The following MAP1A variants were observed in gnomAD, a reference collection of about 807,000 sequenced individuals.
MAP1A encodes the protein microtubule-associated protein 1A.
A neutral mutation model predicts 185.9 loss-of-function variants in MAP1A; 42 were observed. That is an observed-to-expected ratio of 0.23 (90% CI 0.18 to 0.29). The LOEUF is 0.29. Among genes scored for constraint, MAP1A ranks in the 10% least tolerant of loss-of-function variants. The pLI is 1.00. For missense variants in MAP1A, 2,995 were observed against 3,450.4 expected (o/e 0.87, Z 3.31); for synonymous variants, 1,229 against 1,335.9 (o/e 0.92, Z 1.74).
chr15:43,518,704 G>GCCCCCCCCCCCCCCCCCC (rs1415845642), intron 1 of MAP1A, among the ~76,000 whole-genome samples: 3 of 104,402 alleles, frequency 2.9e-5, no homozygotes, highest in Admixed American at 9.1e-5. Context: ...CTGCACCGCA[G>GCCCCCCCCCCCCCCCCCC]CCCACCCCCC....
chr15:43,522,043 C>T lies in MAP1A; in HGVS notation c.570C>T (p.Phe190=). The T allele has an allele frequency of 6.2e-7, 1 of 1,614,196 alleles. No individual in the cohort carries two copies. The highest frequency in any genetic ancestry group is 1.1e-5 in the South Asian group (1 of 91,086). The change falls in exon 4 of 6, where the codon TTC becomes TTT. Residue 190 remains phenylalanine, a synonymous_variant. Transcript: ENST00000300231. This position sits in a 1 kb window ranked among gnomAD's most constrained non-coding sequence, Gnocchi z 5.9. ...VSNTIEPLTL[F]HKMGVGRLDM... ...ATACCATTGAGCCACTGACCCTCTT[C>T]CACAAAATGGGTGTGGGCCGGCTGG... is the stretch of plus-strand genomic sequence containing the variant.
rs2079346523 is a variant in MAP1A, at chr15:43,526,907, T to C, written c.5434T>C (p.Ser1812Pro). 1 of 1,614,060 alleles carries C rather than the reference T, an allele frequency of 6.2e-7. No homozygotes were observed. The highest frequency in any genetic ancestry group is 8.5e-7 in the Non-Finnish European group (1 of 1,180,002). ...PPEMVGQRVP[S>P]APGQESPIPD... ...TGAGATGGTTGGACAAAGGGTTCCT[T>C]CAGCCCCAGGACAAGAGAGTCCTAT... Residue 1812 changes from serine to proline, a missense_variant, in exon 4 of 6, where the codon TCA (serine) becomes CCA (proline). Physicochemically the swap from Ser to Pro is moderately conservative, Grantham distance 74. Coordinates refer to ENST00000300231, the MANE Select transcript of MAP1A (RefSeq NM_002373.6). This position sits in a 1 kb window ranked among gnomAD's most constrained non-coding sequence, Gnocchi z 4.7.
chr15:43,527,709 G>A lies in MAP1A; in HGVS notation c.6236G>A (p.Gly2079Asp), dbSNP rs1169190378. The A allele has an allele frequency of 1.2e-6, 2 of 1,612,598 alleles. No homozygotes were observed. Among genetic ancestry groups the A allele is most frequent in the East Asian group, 2.2e-5 (1 of 44,772 alleles). The part of the protein sequence containing the change: ...LSKGPSPPLN[G>D]NILSCSPDRR... ...AAAGGCCCAAGCCCCCCTCTTAATG[G>A]TAACATCCTGAGCTGCAGCCCAGAT... The change falls in exon 4 of 6, where the codon GGT (glycine) becomes GAT (aspartate). Residue 2079 changes from glycine to aspartate, a missense_variant. Physicochemically the swap from Gly to Asp is moderately conservative, Grantham distance 94. Coordinates refer to ENST00000300231, the MANE Select transcript of MAP1A (RefSeq NM_002373.6).
In MAP1A at chr15:43,529,717, T is replaced by C. The variant is rs2079363557; in HGVS notation, c.8103T>C (p.His2701=). ...TGGATCTCGCCTACATCCCGAATCA[T>C]TGCAGTGGCAAGACTGCTGACCTTG... is the stretch of plus-strand genomic sequence containing the variant. ...VYVDLAYIPN[H]CSGKTADLDF... The change falls in exon 5 of 6, where the codon CAT becomes CAC. Residue 2701 remains histidine, a synonymous_variant. Transcript: ENST00000300231. This position sits in a 1 kb window ranked among gnomAD's most constrained non-coding sequence, Gnocchi z 4.3. The C allele has an allele frequency of 1.9e-6, 3 of 1,614,056 alleles. No homozygotes were observed. Among genetic ancestry groups the C allele is most frequent in the Admixed American group, 1.7e-5 (1 of 60,004 alleles).
chr15:43,525,765 CA>C lies in MAP1A; in HGVS notation c.4296del (p.Asp1433ThrfsTer4). ...ALEQKDKALE[P>X]KDKDLEEKDK... The stretch of plus-strand genomic sequence containing the variant: ...GAACAGAAGGACAAGGCCCTGGAAC[CA>C]AAAGACAAAGACTTAGAAGAAAAAG... On this transcript the variant is annotated frameshift_variant, in exon 4 of 6. Transcript: ENST00000300231. LOFTEE classifies it high-confidence loss of function. 6.2e-7 allele frequency: 1 copy of C among 1,613,342 alleles called. No individual in the cohort carries two copies.
At position 43,530,147 on chromosome 15, in the gene MAP1A, A is replaced by C. The variant is rs755907127; in HGVS notation, c.8335A>C (p.Asn2779His). The change falls in exon 6 of 6, where the codon AAT becomes CAT. Residue 2779 changes from asparagine to histidine, a missense_variant. Transcript: ENST00000300231. ...AACTCATGAGCAGCAGCAACAACTG[A>C]ATGTCCTGGTCCTGGCTAGCAGCAG... ...QQTHEQQQQL[N>H]VLVLASSSTV... 3.1e-6 allele frequency: 5 copies of C among 1,614,002 alleles called. No individual in the cohort carries two copies. The highest frequency in any genetic ancestry group is 1.1e-5 in the South Asian group (1 of 91,086).
At position 43,526,806 on chromosome 15, in the gene MAP1A, T is replaced by C. The variant is rs1040439684; in HGVS notation, c.5333T>C (p.Val1778Ala). 6.2e-7 allele frequency: 1 copy of C among 1,613,960 alleles called. No individual in the cohort carries two copies. Among genetic ancestry groups the C allele is most frequent in the Non-Finnish European group, 8.5e-7 (1 of 1,180,010 alleles). Residue 1778 changes from valine (V) to alanine (A), a missense_variant, in exon 4 of 6, where the codon GTT becomes GCT. By Grantham distance (64) the Val-to-Ala change is moderately conservative. Coordinates refer to ENST00000300231, the MANE Select transcript of MAP1A (RefSeq NM_002373.6). The surrounding 1 kb of genome is among the most constrained non-coding windows in gnomAD (Gnocchi z 4.7). ...EVERWLAESP[V>A]GLPPEEEDKL... ...GAGCGCTGGCTTGCTGAATCACCAG[T>C]TGGGTTGCCACCAGAGGAAGAGGAC...
chr15:43,523,889 G>A lies in MAP1A; in HGVS notation c.2416G>A (p.Glu806Lys), dbSNP rs2079330883. ...ATSGKVYGTP[E>K]TELTYPTNIV... ...CTCTGGCAAAGTCTATGGAACGCCAGAGACTGAACTCACCTACCCCACTAA... is the reference window on the plus strand; with the variant it reads ...CTCTGGCAAAGTCTATGGAACGCCAAAGACTGAACTCACCTACCCCACTAA... Residue 806 changes from glutamate to lysine, a missense_variant, in exon 4 of 6, where the codon GAG (glutamate) becomes AAG (lysine). Glu to Lys is a moderately conservative substitution (Grantham distance 56). Coordinates refer to ENST00000300231, the MANE Select transcript of MAP1A (RefSeq NM_002373.6). 6.2e-7 allele frequency: 1 copy of A among 1,614,086 alleles called. No individual in the cohort carries two copies. Among genetic ancestry groups the A allele is most frequent in the Non-Finnish European group, 8.5e-7 (1 of 1,180,040 alleles).
chr15:43,529,355 C>T lies in MAP1A; in HGVS notation c.7882C>T (p.Arg2628Cys), dbSNP rs776917730. 8.7e-6 allele frequency: 14 copies of T among 1,613,890 alleles called. No homozygotes were observed. The highest frequency in any genetic ancestry group is 6.7e-5 in the African/African-American group (5 of 74,934). ...ACGGCGTCTGGATCTTCGGGGAAAA[C>T]GCTCACCCACCCCTGGTAAAGGGCC... ...PARRLDLRGK[R>C]SPTPGKGPAD... The change falls in exon 4 of 6, where the codon CGC (arginine) becomes TGC (cysteine). Residue 2628 changes from arginine to cysteine, a missense_variant. Arg to Cys is a radical substitution (Grantham distance 180). Transcript: ENST00000300231. The surrounding 1 kb of genome is among the most constrained non-coding windows in gnomAD (Gnocchi z 4.3).
Position 43,523,086 on chromosome 15 carries a change from T to A in MAP1A, c.1613T>A (p.Met538Lys). 6.2e-7 allele frequency: 1 copy of A among 1,614,152 alleles called. No homozygotes were observed. Among genetic ancestry groups the A allele is most frequent in the Non-Finnish European group, 8.5e-7 (1 of 1,180,024 alleles). The change falls in exon 4 of 6, where the codon ATG (methionine) becomes AAG (lysine). Residue 538 changes from methionine to lysine, a missense_variant. By Grantham distance (95) the Met-to-Lys change is moderately conservative. Around this residue, in one of 3 missense-constraint regions of MAP1A, gnomAD observed 2,728 missense variants for 2,986.0 expected, o/e 0.91. Transcript: ENST00000300231. The part of the protein sequence containing the change: ...PEDLTQDFEE[M>K]KREERALLAE... ...GACCTCACACAGGACTTTGAGGAGATGAAGCGTGAGGAGAGGGCTTTGCTG... is the reference window on the plus strand; with the variant it reads ...GACCTCACACAGGACTTTGAGGAGAAGAAGCGTGAGGAGAGGGCTTTGCTG...
Position 43,525,889 on chromosome 15 carries a change from A to G in MAP1A, c.4416A>G (p.Glu1472=). The G allele has an allele frequency of 6.2e-7, 1 of 1,613,122 alleles. No homozygotes were observed. Among genetic ancestry groups the G allele is most frequent in the Non-Finnish European group, 8.5e-7 (1 of 1,179,502 alleles). The change falls in exon 4 of 6, where the codon GAA becomes GAG. Residue 1472 remains glutamate, a synonymous_variant. Coordinates refer to ENST00000300231, the MANE Select transcript of MAP1A (RefSeq NM_002373.6). The part of the protein sequence containing the change: ...TALEQKDKAL[E]PKDKDLEQKD... ...TGGAACAGAAGGACAAGGCCCTGGA[A>G]CCAAAAGATAAAGACTTGGAACAAA...
Position 43,526,082 on chromosome 15 carries a change from C to T in MAP1A, c.4609C>T (p.Gln1537Ter). The change falls in exon 4 of 6, where the codon CAG becomes TAG. Residue 1537 changes from glutamine (Q) to a stop codon, truncating the protein, a stop_gained. Transcript: ENST00000300231. LOFTEE classifies it high-confidence loss of function. This position sits in a 1 kb window ranked among gnomAD's most constrained non-coding sequence, Gnocchi z 4.7. ...AGCCCCTGAACAGAAACACCAGGCC[C>T]AGGAACAAAAGGATAAAGTCTCAGA... ...DKAPEQKHQA[Q>*]EQKDKVSEKK... 6.2e-7 allele frequency: 1 copy of T among 1,614,060 alleles called. No homozygotes were observed. The highest frequency in any genetic ancestry group is 8.5e-7 in the Non-Finnish European group (1 of 1,180,034).
chr15:43,513,974 G>T (rs568111082), upstream of MAP1A, among the ~76,000 whole-genome samples: 1 of 152,196 alleles, frequency 6.6e-6, no homozygotes. Flanking sequence ...TTGAGAGTAG[G>T]CTGCTTTCTG....
rs111550324 is a variant in MAP1A, at chr15:43,512,054, A to T, written c.239-136A>T. ...ACTAGCCACCTTTCTTTGAGACATC[A>T]CTGAGGCTGATCATGGCAACTATCC... On this transcript the variant is annotated intron_variant, in intron 1 of 6. Transcript: ENST00000382031. The T allele has an allele frequency of 2.3e-4, 152 of 649,068 alleles. 2 individuals are homozygous for T. The African/African-American group carries it at 2.5e-3, about 11-fold the overall frequency. 40.2% of individuals were successfully genotyped at this position (649,068 alleles called of 1,614,324 possible).
chr15:43,527,594 C>G lies in MAP1A; in HGVS notation c.6121C>G (p.Pro2041Ala), dbSNP rs1359266812. 6.2e-7 allele frequency: 1 copy of G among 1,614,010 alleles called. No individual in the cohort carries two copies. Among genetic ancestry groups the G allele is most frequent in the African/African-American group, 1.3e-5 (1 of 74,890 alleles). ...PTFSYAALAGPTVPPRPEPGP... is the reference protein window; with the variant it reads ...PTFSYAALAGATVPPRPEPGP... ...CTTCAGCTATGCAGCCCTGGCAGGA[C>G]CCACTGTACCCCCAAGGCCAGAGCC... Residue 2041 changes from proline to alanine, a missense_variant, in exon 4 of 6, where the codon CCC (proline) becomes GCC (alanine). Physicochemically the swap from Pro to Ala is conservative, Grantham distance 27. Around this residue, in one of 3 missense-constraint regions of MAP1A, gnomAD observed 2,728 missense variants for 2,986.0 expected, o/e 0.91. Coordinates refer to ENST00000300231, the MANE Select transcript of MAP1A (RefSeq NM_002373.6).
chr15:43,511,510 G>T (rs1404502858), intron 1 of MAP1A, among the ~76,000 whole-genome samples: 1 of 152,142 alleles, frequency 6.6e-6, no homozygotes, highest in African/African-American at 2.4e-5. Context: ...ACCCTCCACC[G>T]CAGTGTTTTG....
Position 43,522,318 on chromosome 15 carries a change from A to G in MAP1A, c.845A>G (p.Lys282Arg), listed in dbSNP as rs747036548. The change falls in exon 4 of 6, where the codon AAG (lysine) becomes AGG (arginine). Residue 282 changes from lysine to arginine, a missense_variant. Transcript: ENST00000300231. The surrounding 1 kb of genome is among the most constrained non-coding windows in gnomAD (Gnocchi z 5.9). ...PQNKILEGLE[K>R]LRHLDFLRYP... The stretch of plus-strand genomic sequence containing the variant: ...AACAAGATCTTGGAGGGCCTAGAAA[A>G]GCTTCGGCATCTGGACTTCCTGCGT... 1.2e-6 allele frequency: 2 copies of G among 1,614,022 alleles called. No individual in the cohort carries two copies. The highest frequency in any genetic ancestry group is 2.2e-5 in the East Asian group (1 of 44,900).
chr15:43,512,085 C>T (rs2079282196), intron 1 of MAP1A: 1 of 704,506 alleles, frequency 1.4e-6, no homozygotes, highest in Admixed American at 2.1e-5. Flanking sequence ...TATCCATATA[C>T]CCTCCCTCTC....
At chr15:43,517,248 A>G (rs2079300893), upstream of MAP1A, among the ~76,000 whole-genome samples, 1 of 152,038 alleles carries the variant, frequency 6.6e-6, no homozygotes, top group Non-Finnish European at 1.5e-5. Context: ...ATCTGAGGAG[A>G]GAGGCAGCAG....
Sources: gnomAD v4.1 joint callset for allele counts (sites outside exome capture counted in the v4.1 genomes callset) on GRCh38, gnomAD v4.1.1 for gene constraint, gnomAD v4.1.1 regional missense constraint, Gnocchi (gnomAD v3.1) non-coding constraint, MANE v1.5 for transcripts, NCBI Gene and HGNC (gene_info 2026-07-23, HGNC 2026-07-21) for gene names.